The following NCAM2 variants were observed in gnomAD, a reference collection of about 807,000 sequenced individuals.
NCAM2 encodes N-CAM-2.
NCAM2 carries 30 observed loss-of-function variants against 98.1 expected under a neutral mutation model. The ratio of observed to expected loss-of-function variants is 0.31; its 90% confidence interval spans 0.23 to 0.41. The LOEUF (loss-of-function observed/expected upper bound fraction) is 0.41. Ranked by LOEUF, NCAM2 falls within the 10% of genes least tolerant of loss-of-function variation. The pLI, the probability that NCAM2 is intolerant of heterozygous loss-of-function variation, is 1.00. For missense variants in NCAM2, 867 were observed against 1,005.8 expected, an observed-to-expected ratio of 0.86 and a Z score of 1.87; for synonymous variants, 368 against 342.4, an observed-to-expected ratio of 1.07 and a Z score of -0.83.
chr21:21,522,359 G>A (rs912067205), intron 16 of NCAM2, among the ~76,000 whole-genome samples: 1 of 150,030 alleles, frequency 6.7e-6, no homozygotes, highest in South Asian at 2.1e-4. Context: ...AGAGCCAGAG[G>A]TAAAAACGCC....
intron 5 of NCAM2, among the ~76,000 whole-genome samples, chr21:21,307,105 T>C (rs1276364436): frequency 5.3e-5 from 8 of 152,270 alleles, no homozygotes; most frequent in Admixed American, 2.6e-4. Flanking sequence ...ACCTTTGAAT[T>C]AGAGTGCCAC....
chr21:21,486,259 G>A (rs544869102), intron 15 of NCAM2, among the ~76,000 whole-genome samples: 3 of 132,930 alleles, frequency 2.3e-5, no homozygotes, highest in African/African-American at 8.9e-5. Context: ...AGCCGAGATC[G>A]CGCCACTGCA....
At chr21:21,135,213 T>C (rs538984360) in intron 1 of NCAM2, among the ~76,000 whole-genome samples, 11 of 136,798 alleles carry the variant, frequency 8.0e-5, no homozygotes, top group African/African-American at 2.9e-4. Context: ...GCCACTGCAC[T>C]CCAGTCTGGG....
intron 1 of NCAM2, among the ~76,000 whole-genome samples, chr21:21,165,470 G>C (rs2067920993): frequency 1.3e-5 from 2 of 152,120 alleles, no homozygotes; most frequent in Non-Finnish European, 2.9e-5. Context: ...GCAAGTACTG[G>C]TGGCCAACAT....
At chr21:21,375,300 T>C (rs2076008491) in intron 9 of NCAM2, among the ~76,000 whole-genome samples, 1 of 150,112 alleles carries the variant, frequency 6.7e-6, no homozygotes, top group African/African-American at 2.4e-5. Flanking sequence ...AAACTATTCA[T>C]ACAGTTGTTG....
chr21:21,140,645 G>A (rs866024376), intron 1 of NCAM2, among the ~76,000 whole-genome samples: 2 of 152,066 alleles, frequency 1.3e-5, no homozygotes, highest in African/African-American at 4.8e-5. Flanking sequence ...ATTTACAGCT[G>A]TTATTTTATT....
intron 1 of NCAM2, among the ~76,000 whole-genome samples, chr21:21,232,126 T>G (rs975414238): frequency 7.3e-5 from 11 of 151,578 alleles, no homozygotes; most frequent in East Asian, 3.9e-4. Context: ...ACTTGACTCA[T>G]AGAGAGGATC....
intron 2 of NCAM2, among the ~76,000 whole-genome samples, chr21:21,282,735 AG>A (rs1168279536): frequency 2.0e-5 from 3 of 151,754 alleles, no homozygotes; most frequent in Middle Eastern, 3.4e-3. Context: ...ACTACATTTA[AG>A]AAAATAAAGT....
At chr21:21,314,448 G>C (rs1235700700) in intron 5 of NCAM2, among the ~76,000 whole-genome samples, 1 of 152,092 alleles carries the variant, frequency 6.6e-6, no homozygotes, top group Non-Finnish European at 1.5e-5. Context: ...ATTATGATGT[G>C]CCTCAACATG....
At chr21:21,436,223 C>G (rs1263236617) in intron 12 of NCAM2, among the ~76,000 whole-genome samples, 1 of 152,186 alleles carries the variant, frequency 6.6e-6, no homozygotes, top group Non-Finnish European at 1.5e-5. Flanking sequence ...TCTACTTTAA[C>G]CAAACATACT....
At chr21:21,319,753 C>T (rs1483376404) in intron 5 of NCAM2, among the ~76,000 whole-genome samples, 3 of 151,514 alleles carry the variant, frequency 2.0e-5, no homozygotes, top group East Asian at 3.9e-4. Flanking sequence ...CGCAAAAAGC[C>T]AATTTAAAAG....
In NCAM2 at chr21:21,214,634, T is replaced by G. The variant is rs1022368134; in HGVS notation, c.56-65944T>G. Among the ~76,000 whole-genome samples, 17 of 150,370 alleles carry G rather than the reference T, an allele frequency of 1.1e-4. No homozygotes were observed. The South Asian group carries it at 2.1e-3, about 19-fold the overall frequency. On this transcript the variant is annotated intron_variant, in intron 1 of 17. Transcript: ENST00000400546. ...CCTCAAATATATTTGACATGTAATT[T>G]GGGCAGAGATAGTCAATAAATAACC...
intron 15 of NCAM2, among the ~76,000 whole-genome samples, chr21:21,507,375 CA>C (rs1446463958): frequency 6.6e-6 from 1 of 152,028 alleles, no homozygotes; most frequent in Non-Finnish European, 1.5e-5. Context: ...CATATTTTTT[CA>C]GGAGTGGTTT....
intron 1 of NCAM2, among the ~76,000 whole-genome samples, chr21:21,250,751 A>G (rs2071439505): frequency 6.6e-6 from 1 of 152,246 alleles, no homozygotes; most frequent in East Asian, 1.9e-4. Flanking sequence ...GAAAATTTCA[A>G]CTGCAAACTT....
intron 1 of NCAM2, among the ~76,000 whole-genome samples, chr21:21,177,622 T>G (rs1233925689): frequency 6.6e-6 from 1 of 152,126 alleles, no homozygotes; most frequent in Non-Finnish European, 1.5e-5. Flanking sequence ...GACATTAATT[T>G]TTAATGAAAT....
At chr21:21,401,688 C>T (rs1033487940) in intron 9 of NCAM2, among the ~76,000 whole-genome samples, 2 of 152,156 alleles carry the variant, frequency 1.3e-5, no homozygotes, top group Non-Finnish European at 2.9e-5. Context: ...TGTATCCATT[C>T]ATCTACTGAT....
rs78169665 is a variant in NCAM2 at position 21,221,730 on chromosome 21, G to C, written c.56-58848G>C. ...GAAGCCATCTTCATAAAAATGTTAG[G>C]TGAATTTGGAAATAGTGATGGAGAA... is the stretch of plus-strand genomic sequence containing the variant. On this transcript the variant is annotated intron_variant, in intron 1 of 17. Transcript: ENST00000400546. Among the ~76,000 whole-genome samples, 1,521 of 152,272 alleles carry C rather than the reference G, an allele frequency of 1.0e-2. 62 individuals are homozygous for C. The East Asian group carries it at 0.16, about 16-fold the overall frequency.
intron 1 of NCAM2, among the ~76,000 whole-genome samples, chr21:21,119,417 A>AT (rs113207261): frequency 2.0e-5 from 3 of 152,158 alleles, no homozygotes; most frequent in African/African-American, 7.2e-5. Context: ...TTAATGAAGG[A>AT]TTTTTTGCTA....
At chr21:21,441,273 G>A (rs1421269851) in intron 12 of NCAM2, among the ~76,000 whole-genome samples, 1 of 152,084 alleles carries the variant, frequency 6.6e-6, no homozygotes, top group Admixed American at 6.6e-5. Context: ...TACCTTTTAA[G>A]TGACATCCTA....
Sources: gnomAD v4.1 joint callset for allele counts (sites outside exome capture counted in the v4.1 genomes callset) on GRCh38, gnomAD v4.1.1 for gene constraint, MANE v1.5 for transcripts, NCBI Gene and HGNC (gene_info 2026-07-23, HGNC 2026-07-21) for gene names.